Variants in KCNG4 observed in about 807,000 individuals in gnomAD.
KCNG4 encodes potassium voltage-gated channel modifier subfamily G member 4.
KCNG4 carries 30 observed loss-of-function variants against 28.2 expected under a neutral mutation model. The observed-to-expected ratio is 1.06, with a 90% confidence interval of 0.80 to 1.44. The LOEUF is 1.44. Ranked by LOEUF, KCNG4 falls within the 40% of genes most tolerant of loss-of-function variation. The probability of loss-of-function intolerance (pLI) is 0.00; values close to 1 mark genes in which losing one functional copy is unlikely to be tolerated. For missense variants in KCNG4, 879 were observed against 712.3 expected, an observed-to-expected ratio of 1.23 and a Z score of -2.66; for synonymous variants, 375 against 315.5, an observed-to-expected ratio of 1.19 and a Z score of -2.00.
At chr16:84,233,595 C>A (rs1351648461) in intron 2 of KCNG4, among the ~76,000 whole-genome samples, 2 of 151,890 alleles carry the variant, frequency 1.3e-5, no homozygotes, top group Non-Finnish European at 2.9e-5. Flanking sequence ...TCCCAGCTAC[C>A]TGGGGGGTTG....
At chr16:84,236,655 C>T in intron 2 of KCNG4, 75 bp downstream of exon 2, 1 of 1,427,352 alleles carries the variant, frequency 7.0e-7, no homozygotes, top group Non-Finnish European at 9.3e-7. Flanking sequence ...AAGACATTTT[C>T]TTGGGCCCCT....
Position 84,236,736 on chromosome 16 carries a change from C to A in KCNG4, c.750G>T (p.Glu250Asp). The A allele has an allele frequency of 1.9e-6, 3 of 1,608,480 alleles. No individual in the cohort carries two copies. In the Middle Eastern group the frequency reaches 5.0e-4, roughly 270 times the overall value. ...GCCATCAGAGGCCGCTCACCTGGTCCTCCTCTGCCCTGAGGTCGGGCATGG... is the reference window on the plus strand; with the variant it reads ...GCCATCAGAGGCCGCTCACCTGGTCATCCTCTGCCCTGAGGTCGGGCATGG... ...VSTMPDLRAE[E>D]DQGECSRKCY... is the part of the protein sequence containing the mutation. The change falls in exon 2 of 3, where the codon GAG becomes GAT. Residue 250 changes from glutamate (E) to aspartate (D), a missense_variant. Transcript: ENST00000308251.
intron 2 of KCNG4, among the ~76,000 whole-genome samples, chr16:84,223,816 G>A (rs1904634287): frequency 6.6e-6 from 1 of 152,136 alleles, no homozygotes; most frequent in Non-Finnish European, 1.5e-5. Flanking sequence ...GCCAGGCATG[G>A]TTCTAACCCC....
At chr16:84,239,005 C>T (rs1905041495) in intron 1 of KCNG4, among the ~76,000 whole-genome samples, 1 of 152,160 alleles carries the variant, frequency 6.6e-6, no homozygotes, top group South Asian at 2.1e-4. Flanking sequence ...CATAATATTT[C>T]TCACCTTCAG....
chr16:84,234,114 C>G (rs1904886863), intron 2 of KCNG4, among the ~76,000 whole-genome samples: 1 of 152,140 alleles, frequency 6.6e-6, no homozygotes, highest in Non-Finnish European at 1.5e-5. Context: ...AATCCGGTGC[C>G]CCTTAGAAGA....
At chr16:84,227,334 T>C (rs1904720274) in intron 2 of KCNG4, among the ~76,000 whole-genome samples, 1 of 152,178 alleles carries the variant, frequency 6.6e-6, no homozygotes, top group Admixed American at 6.5e-5. Context: ...CCTGGCACTT[T>C]GGGAAGCCGA....
intron 2 of KCNG4, among the ~76,000 whole-genome samples, chr16:84,225,841 C>G (rs1164863605): frequency 2.0e-5 from 3 of 152,234 alleles, no homozygotes; most frequent in African/African-American, 7.2e-5. Context: ...GTCACTGCAC[C>G]TGCATCAGGC....
rs142479769 is a variant in KCNG4 at position 84,238,239 on chromosome 16, G to A, written c.-40-714C>T. On this transcript the variant is annotated intron_variant, in intron 1 of 2. Coordinates refer to ENST00000308251, the MANE Select transcript of KCNG4 (RefSeq NM_172347.3). ...CCACTTTATAGATAAGGAGGCTGAC[G>A]CACGGAAGGTTTGCGTGTCTTGCCT... Among the ~76,000 whole-genome samples the A allele has an allele frequency of 2.1e-3, 325 of 152,294 alleles. 1 individual carries two copies. The highest frequency in any genetic ancestry group is 7.4e-3 in the African/African-American group (306 of 41,550).
At position 84,222,164 on chromosome 16, in the gene KCNG4, T is replaced by C; in HGVS notation, c.*53A>G. The C allele has an allele frequency of 6.3e-7, 1 of 1,574,880 alleles. No homozygotes were observed. The highest frequency in any genetic ancestry group is 8.7e-7 in the Non-Finnish European group (1 of 1,149,542). On this transcript the variant is annotated 3_prime_UTR_variant, in exon 3 of 3. Transcript: ENST00000308251. ...TCTATGCGGGGTACCCTTGAGTGTG[T>C]TTCAGGCAGGGTGATGGGTTGAGGT...
At position 84,221,928 on chromosome 16, in the gene KCNG4, G is replaced by A. The variant is rs1297485842; in HGVS notation, c.*289C>T. 9.5e-6 allele frequency: 4 copies of A among 422,222 alleles called. No homozygotes were observed. Among genetic ancestry groups the A allele is most frequent in the Non-Finnish European group, 1.7e-5 (4 of 235,058 alleles). 26.2% of individuals were successfully genotyped at this position (422,222 alleles called of 1,614,324 possible). Reference sequence around the variant, plus strand: ...GGATGTTAAAGCCTCTGCTGGGAAGGAAAAGAGAATGAAAGGAGACTGAGC... The same window carrying A: ...GGATGTTAAAGCCTCTGCTGGGAAGAAAAAGAGAATGAAAGGAGACTGAGC... On this transcript the variant is annotated 3_prime_UTR_variant, in exon 3 of 3. Coordinates refer to ENST00000308251, the MANE Select transcript of KCNG4 (RefSeq NM_172347.3).
rs544984235 is a variant in KCNG4 at position 84,223,397 on chromosome 16, G to A, written c.757-377C>T. Among the ~76,000 whole-genome samples, 6 of 152,312 alleles carry A rather than the reference G, an allele frequency of 3.9e-5. No individual in the cohort carries two copies. In the South Asian group the frequency reaches 1.0e-3, roughly 26 times the overall value. On this transcript the variant is annotated intron_variant, in intron 2 of 2. Transcript: ENST00000308251. Reference sequence around the variant, plus strand: ...AGAGGACTGGACCAGCGCCCCAGGGGAGGAGGGAACATCAAGGCGGGAGAA... The same window carrying A: ...AGAGGACTGGACCAGCGCCCCAGGGAAGGAGGGAACATCAAGGCGGGAGAA...
intron 1 of KCNG4, 58 bp from the exon 2 acceptor site, chr16:84,237,583 G>A: frequency 1.6e-6 from 2 of 1,267,508 alleles, no homozygotes; most frequent in Non-Finnish European, 2.1e-6. Context: ...TTGGGGCAAA[G>A]AGTCCTGGAT....
At position 84,220,141 on chromosome 16, in the gene KCNG4, C is replaced by G. The variant is rs1187802979; in HGVS notation, c.*2076G>C. 1 of 152,196 alleles carries G rather than the reference C, an allele frequency of 6.6e-6. No homozygotes were observed. The highest frequency in any genetic ancestry group is 6.5e-5 in the Admixed American group (1 of 15,280). The allele number at this position is 152,196 out of a possible 1,614,324, so 9.4% of individuals were successfully genotyped here. On this transcript the variant is annotated 3_prime_UTR_variant, in exon 3 of 3. Coordinates refer to ENST00000308251, the MANE Select transcript of KCNG4 (RefSeq NM_172347.3). ...CTTCTATGGCTACTGTCCAAGGTGC[C>G]TGTGACATGGAATTTCTACGCAACG...
intron 2 of KCNG4, among the ~76,000 whole-genome samples, chr16:84,227,808 A>G (rs1904731356): frequency 6.6e-6 from 1 of 152,190 alleles, no homozygotes; most frequent in African/African-American, 2.4e-5. Flanking sequence ...GCTGAGTGAA[A>G]AGAAGCCAGA....
Position 84,237,052 on chromosome 16 carries a change from T to C in KCNG4, c.434A>G (p.Glu145Gly), listed in dbSNP as rs1904980208. ...LQEMCALSFQ[E>G]ELAYWGIEEA... Reference sequence around the variant, plus strand: ...CTCGATGCCCCAGTAGGCCAGCTCCTCCTGGAAGGACAGCGCGCACATCTC... The same window carrying C: ...CTCGATGCCCCAGTAGGCCAGCTCCCCCTGGAAGGACAGCGCGCACATCTC... The change falls in exon 2 of 3, where the codon GAG (glutamate) becomes GGG (glycine). Residue 145 changes from glutamate (E) to glycine (G), a missense_variant. By Grantham distance (98) the Glu-to-Gly change is moderately conservative. Transcript: ENST00000308251. 1 of 1,613,932 alleles carries C rather than the reference T, an allele frequency of 6.2e-7. No homozygotes were observed. The highest frequency in any genetic ancestry group is 1.3e-5 in the African/African-American group (1 of 74,902).
In KCNG4 at chr16:84,221,365, T is replaced by C. The variant is rs943427372; in HGVS notation, c.*852A>G. ...GGAACGATCCTCTCAAGGGACAACA[T>C]GGACCCTGAAAGAGTTTGTCTCTGT... On this transcript the variant is annotated 3_prime_UTR_variant, in exon 3 of 3. Coordinates refer to ENST00000308251, the MANE Select transcript of KCNG4 (RefSeq NM_172347.3). The C allele has an allele frequency of 2.0e-5, 3 of 152,190 alleles. No individual in the cohort carries two copies. The highest frequency in any genetic ancestry group is 2.9e-5 in the Non-Finnish European group (2 of 68,078). The allele number at this position is 152,190 out of a possible 1,614,324, so 9.4% of individuals were successfully genotyped here.
intron 2 of KCNG4, among the ~76,000 whole-genome samples, chr16:84,233,903 T>C (rs1358565563): frequency 6.6e-6 from 1 of 152,116 alleles, no homozygotes; most frequent in African/African-American, 2.4e-5. Context: ...ACTGTGAGCT[T>C]AAGAAAGTGA....
chr16:84,236,816 C>G lies in KCNG4; in HGVS notation c.670G>C (p.Ala224Pro), dbSNP rs371707569. 1.9e-6 allele frequency: 3 copies of G among 1,613,588 alleles called. No homozygotes were observed. ...PQSGLPGKVFACLSILFVATT... is the reference protein window; with the variant it reads ...PQSGLPGKVFPCLSILFVATT... Reference sequence around the variant, plus strand: ...GCCACGAAGAGGATGGAGAGGCAAGCGAAGACCTTCCCGGGCAGCCCGGAC... The same window carrying G: ...GCCACGAAGAGGATGGAGAGGCAAGGGAAGACCTTCCCGGGCAGCCCGGAC... The change falls in exon 2 of 3, where the codon GCT (alanine) becomes CCT (proline). Residue 224 changes from alanine to proline, a missense_variant. By Grantham distance (27) the Ala-to-Pro change is conservative (BLOSUM62 -1). Coordinates refer to ENST00000308251, the MANE Select transcript of KCNG4 (RefSeq NM_172347.3).
At chr16:84,223,706 G>A (rs1196399925) in intron 2 of KCNG4, among the ~76,000 whole-genome samples, 3 of 152,154 alleles carry the variant, frequency 2.0e-5, no homozygotes, top group African/African-American at 7.2e-5. Flanking sequence ...ATAGGAGGCG[G>A]TACCAGGGTC....
Sources: allele counts gnomAD v4.1 joint callset (sites outside exome capture counted in the v4.1 genomes callset), GRCh38; gene constraint gnomAD v4.1.1; transcripts MANE v1.5; gene names NCBI Gene and HGNC (gene_info 2026-07-23, HGNC 2026-07-21).